DBR1: variants seen among roughly 807,000 people sequenced by gnomAD.
DBR1 encodes the protein lariat debranching enzyme.
A neutral mutation model predicts 45.9 loss-of-function variants in DBR1; 33 were observed. The observed-to-expected ratio is 0.72, with a 90% CI of 0.55 to 0.96. The LOEUF (loss-of-function observed/expected upper bound fraction) is 0.96. Among genes scored for constraint, DBR1 ranks in the 40% least tolerant of loss-of-function variants. DBR1 has a pLI of 0.00. For synonymous variants in DBR1, 235 were observed against 235.9 expected (o/e 1.00, Z 0.04); for missense variants, 619 against 667.4 (o/e 0.93, Z 0.80).
chr3:138,173,688 C>CG (rs1224717814), intron 1 of DBR1, 62 bp from the exon 2 acceptor site: 4 of 1,444,634 alleles, frequency 2.8e-6, no homozygotes, highest in Non-Finnish European at 2.8e-6. Flanking sequence ...AAATAAGTTC[C>CG]GAAAAAAAAA....
chr3:138,174,603 A>G lies in DBR1; in HGVS notation c.193T>C (p.Tyr65His). Residue 65 changes from tyrosine (Y) to histidine (H), a missense_variant, in exon 1 of 8, where the codon TAC (tyrosine) becomes CAC (histidine). Tyr to His is a moderately conservative substitution (Grantham distance 83). Coordinates refer to ENST00000260803, the MANE Select transcript of DBR1 (RefSeq NM_016216.4). ...CGGGCCCGGCCGCGTCCTCACCTGT[A>G]GAAGGTTTGCATGTGACGATACTTG... ...PPKYRHMQTF[Y>H]RYYSGEKKAP... 6.9e-7 allele frequency: 1 copy of G among 1,440,186 alleles called. No individual in the cohort carries two copies. Among genetic ancestry groups the G allele is most frequent in the Non-Finnish European group, 9.4e-7 (1 of 1,068,978 alleles). 89.2% of individuals were successfully genotyped at this position (1,440,186 alleles called of 1,614,324 possible).
chr3:138,163,680 A>C, intron 6 of DBR1, 98 bp downstream of exon 6: 1 of 915,400 alleles, frequency 1.1e-6, no homozygotes, highest in Non-Finnish European at 1.5e-6. Flanking sequence ...GAATACATAA[A>C]TTACAAACAG....
chr3:138,166,515 A>G (rs1386053876), intron 5 of DBR1, among the ~76,000 whole-genome samples: 2 of 151,992 alleles, frequency 1.3e-5, no homozygotes, highest in African/African-American at 4.8e-5. Flanking sequence ...ATTTTACATT[A>G]CTCCAATCCA....
intron 2 of DBR1, among the ~76,000 whole-genome samples, chr3:138,172,944 T>C (rs2042961900): frequency 6.6e-6 from 1 of 152,208 alleles, no homozygotes; most frequent in African/African-American, 2.4e-5. Flanking sequence ...CAATAGATAA[T>C]GATTACTTCA....
At chr3:138,173,408 C>T in intron 2 of DBR1, 94 bp downstream of exon 2, 1 of 1,247,452 alleles carries the variant, frequency 8.0e-7, no homozygotes, top group Middle Eastern at 1.9e-4. Flanking sequence ...ATTCTCCAAA[C>T]ACCATACATG....
intron 2 of DBR1, among the ~76,000 whole-genome samples, chr3:138,173,027 G>C (rs1035528900): frequency 6.0e-5 from 9 of 149,320 alleles, no homozygotes; most frequent in Non-Finnish European, 8.9e-5. Context: ...ACTGAAATAT[G>C]TATAAGTGAA....
At chr3:138,168,074 G>C (rs958414238) in intron 4 of DBR1, among the ~76,000 whole-genome samples, 2 of 151,880 alleles carry the variant, frequency 1.3e-5, no homozygotes, top group African/African-American at 4.8e-5. Context: ...ATTCTAATAG[G>C]CTCACATAGT....
intron 5 of DBR1, among the ~76,000 whole-genome samples, chr3:138,165,143 C>G (rs1303519491): frequency 6.6e-6 from 1 of 152,088 alleles, no homozygotes; most frequent in Non-Finnish European, 1.5e-5. Flanking sequence ...TGATCTTGTT[C>G]CAGCTTCATC....
At chr3:138,163,527 A>T (rs757953020) in intron 6 of DBR1, 33 bp from the exon 7 acceptor site, 1 of 1,366,072 alleles carries the variant, frequency 7.3e-7, no homozygotes, top group East Asian at 2.4e-5. Flanking sequence ...AGAAATACAT[A>T]TATATTTGTA....
At chr3:138,173,450 A>C in intron 2 of DBR1, 52 bp downstream of exon 2, 2 of 1,598,036 alleles carry the variant, frequency 1.3e-6, no homozygotes, top group African/African-American at 2.7e-5. Flanking sequence ...GCAAATCCTG[A>C]TAAGCTCTTC....
At chr3:138,167,049 T>G in intron 5 of DBR1, 32 bp downstream of exon 5, 1 of 1,583,302 alleles carries the variant, frequency 6.3e-7, no homozygotes. Flanking sequence ...ATAGTGTGTG[T>G]TAAATGAAAG....
intron 1 of DBR1, among the ~76,000 whole-genome samples, chr3:138,173,850 A>T (rs2042966361): frequency 1.3e-5 from 2 of 152,018 alleles, no homozygotes; most frequent in Non-Finnish European, 2.9e-5. Flanking sequence ...CAACCTGGCC[A>T]ATGTGGTGAA....
chr3:138,174,559 A>T (rs1313369103), intron 1 of DBR1, 40 bp downstream of exon 1: 4 of 837,170 alleles, frequency 4.8e-6, no homozygotes, highest in African/African-American at 3.4e-5. Flanking sequence ...ACCCAGTCCC[A>T]CCCCCCCACC....
At position 138,174,901 on chromosome 3, in the gene DBR1, C is replaced by G; in HGVS notation, c.-106G>C. The G allele has an allele frequency of 9.1e-7, 1 of 1,094,432 alleles. No homozygotes were observed. The highest frequency in any genetic ancestry group is 1.3e-6 in the Non-Finnish European group (1 of 767,678). 67.8% of individuals were successfully genotyped at this position (1,094,432 alleles called of 1,614,324 possible). ...CGCCAACTTTAATAAGTATAGCCAC[C>G]GCCTGGGTGTAGACTCCTGCAAAAT... is the stretch of plus-strand genomic sequence containing the variant. On this transcript the variant is annotated 5_prime_UTR_variant, in exon 1 of 8. Coordinates refer to ENST00000260803, the MANE Select transcript of DBR1 (RefSeq NM_016216.4).
intron 4 of DBR1, among the ~76,000 whole-genome samples, chr3:138,168,919 T>C (rs1343983629): frequency 6.6e-6 from 1 of 151,544 alleles, no homozygotes; most frequent in Admixed American, 6.6e-5. Flanking sequence ...GCCATGATCA[T>C]ACTACTGCAC....
chr3:138,172,172 T>C (rs1354130825), intron 2 of DBR1, among the ~76,000 whole-genome samples: 1 of 152,226 alleles, frequency 6.6e-6, no homozygotes, highest in African/African-American at 2.4e-5. Flanking sequence ...TATTGTAATA[T>C]AGGATGAATA....
Position 138,174,551 on chromosome 3 carries a change from C to G in DBR1, c.197+48G>C. The G allele has an allele frequency of 7.3e-6, 11 of 1,508,544 alleles. 1 individual carries two copies. The highest frequency in any genetic ancestry group is 9.9e-6 in the Non-Finnish European group (11 of 1,108,048). The allele number at this position is 1,508,544 out of a possible 1,614,324, so 93.4% of individuals were successfully genotyped here. On this transcript the variant is annotated intron_variant, in intron 1 of 7. Coordinates refer to ENST00000260803, the MANE Select transcript of DBR1 (RefSeq NM_016216.4). ...ACAGGCAGCCAGTGGCAGAGGGAAC[C>G]CAGTCCCACCCCCCCACCGCCAAGT...
intron 7 of DBR1, 73 bp downstream of exon 7, chr3:138,163,276 C>G: frequency 2.0e-6 from 3 of 1,513,440 alleles, no homozygotes; most frequent in Non-Finnish European, 2.7e-6. Context: ...CAAAACAAAA[C>G]AAAACAAAGG....
chr3:138,165,990 T>C (rs534767485), intron 5 of DBR1, among the ~76,000 whole-genome samples: 1 of 152,370 alleles, frequency 6.6e-6, no homozygotes, highest in Non-Finnish European at 1.5e-5. Flanking sequence ...AGGTATATTT[T>C]CAGACAAAAC....
Sources: gnomAD v4.1 joint callset for allele counts (sites outside exome capture counted in the v4.1 genomes callset) on GRCh38, gnomAD v4.1.1 for gene constraint, MANE v1.5 for transcripts, NCBI Gene and HGNC (gene_info 2026-07-23, HGNC 2026-07-21) for gene names.